Variants in GLRB observed in about 807,000 individuals in gnomAD.
GLRB encodes glycine receptor subunit beta.
A neutral mutation model predicts 54.2 loss-of-function variants in GLRB; 33 were observed. The observed-to-expected ratio is 0.61, with a 90% CI of 0.46 to 0.81. The LOEUF is 0.81. Among genes scored for constraint, GLRB ranks in the 40% least tolerant of loss-of-function variants. GLRB has a pLI of 0.00. For synonymous variants in GLRB, 209 were observed against 208.2 expected (o/e 1.00, Z -0.03); for missense variants, 572 against 584.6 (o/e 0.98, Z 0.22).
At chr4:157,102,561 T>A (rs2126484628) in intron 2 of GLRB, among the ~76,000 whole-genome samples, 1 of 152,318 alleles carries the variant, frequency 6.6e-6, no homozygotes, top group South Asian at 2.1e-4. Flanking sequence ...ATTATAAACT[T>A]AAAAATTACA....
In GLRB at chr4:157,138,939, TA is replaced by T; in HGVS notation, c.744del (p.Gly249AlafsTer14). Reference protein sequence around the residue: ...IEYGNCTKYYKGTGYYTCVEV... With the variant: ...IEYGNCTKYYXGTGYYTCVEV... ...AATATGGTAACTGTACAAAATACTA[TA>T]AAGGCACGGGTAAGTAATATTCTTT... is the stretch of plus-strand genomic sequence containing the variant. On this transcript the variant is annotated frameshift_variant, in exon 7 of 10. Transcript: ENST00000264428. LOFTEE classifies it high-confidence loss of function. 1.4e-6 allele frequency: 2 copies of T among 1,428,932 alleles called. No individual in the cohort carries two copies. The highest frequency in any genetic ancestry group is 2.0e-6 in the Non-Finnish European group (2 of 1,012,914). 88.5% of individuals were successfully genotyped at this position (1,428,932 alleles called of 1,614,324 possible).
At chr4:157,083,551 T>C (rs1734301975) in intron 2 of GLRB, among the ~76,000 whole-genome samples, 1 of 152,156 alleles carries the variant, frequency 6.6e-6, no homozygotes, top group Non-Finnish European at 1.5e-5. Flanking sequence ...CAGAGACTGA[T>C]ATAATGTGAT....
intron 2 of GLRB, among the ~76,000 whole-genome samples, chr4:157,082,292 G>A (rs1734247635): frequency 6.6e-6 from 1 of 151,898 alleles, no homozygotes; most frequent in South Asian, 2.1e-4. Flanking sequence ...CACATTCTGT[G>A]CCCCCACAGT....
At chr4:157,129,590 G>T (rs935137711) in intron 4 of GLRB, among the ~76,000 whole-genome samples, 1 of 151,724 alleles carries the variant, frequency 6.6e-6, no homozygotes, top group African/African-American at 2.4e-5. Context: ...TAATAGAAAA[G>T]AATCTTTGAA....
chr4:157,138,330 T>C (rs1352132800), intron 6 of GLRB, among the ~76,000 whole-genome samples: 2 of 152,228 alleles, frequency 1.3e-5, no homozygotes, highest in East Asian at 3.9e-4. Context: ...CGCCTTGGCC[T>C]CCCAAAGTGC....
intron 2 of GLRB, among the ~76,000 whole-genome samples, chr4:157,089,372 T>C (rs1274251211): frequency 6.6e-6 from 1 of 152,146 alleles, no homozygotes; most frequent in African/African-American, 2.4e-5. Context: ...GCTACTGCAC[T>C]CCAGCCTGGG....
intron 4 of GLRB, among the ~76,000 whole-genome samples, chr4:157,130,916 T>G (rs1224109587): frequency 6.6e-6 from 1 of 151,680 alleles, no homozygotes; most frequent in Non-Finnish European, 1.5e-5. Context: ...ATAGTGAAGC[T>G]GATCCAAGGA....
chr4:157,098,544 T>G (rs1377888178), intron 2 of GLRB, among the ~76,000 whole-genome samples: 1 of 152,116 alleles, frequency 6.6e-6, no homozygotes, highest in Admixed American at 6.5e-5. Context: ...GGAGGGGCCA[T>G]TAAGGAGAGT....
chr4:157,116,338 T>G (rs1735608063), intron 2 of GLRB, among the ~76,000 whole-genome samples: 1 of 151,874 alleles, frequency 6.6e-6, no homozygotes. Context: ...TAATGTCATA[T>G]TTCCAAGAAA....
chr4:157,170,611 T>C lies in GLRB; in HGVS notation c.1377T>C (p.Pro459=). 6.2e-7 allele frequency: 1 copy of C among 1,612,130 alleles called. No homozygotes were observed. Among genetic ancestry groups the C allele is most frequent in the Non-Finnish European group, 8.5e-7 (1 of 1,178,416 alleles). ...CTCAGGCTAAGAACAACAAGAAGCC[T>C]CCCCCTGCGAAACCTGTTATTCCAA... ...GKSQAKNNKK[P]PPAKPVIPTA... The change falls in exon 10 of 10, where the codon CCT becomes CCC. Residue 459 remains proline, a synonymous_variant. Coordinates refer to ENST00000264428, the MANE Select transcript of GLRB (RefSeq NM_000824.5).
chr4:157,086,562 T>C (rs1478783695), intron 2 of GLRB, among the ~76,000 whole-genome samples: 4 of 152,224 alleles, frequency 2.6e-5, no homozygotes, highest in African/African-American at 9.6e-5. Flanking sequence ...TTCGATTAAT[T>C]CTATTGTGCA....
At chr4:157,079,032 C>G (rs1009883299) in intron 2 of GLRB, among the ~76,000 whole-genome samples, 1 of 152,130 alleles carries the variant, frequency 6.6e-6, no homozygotes, top group African/African-American at 2.4e-5. Flanking sequence ...CCTTGGCATC[C>G]CAAAGTGCTG....
chr4:157,146,454 A>C (rs1168030997), intron 8 of GLRB, among the ~76,000 whole-genome samples: 3 of 152,204 alleles, frequency 2.0e-5, no homozygotes, highest in Admixed American at 6.5e-5. Flanking sequence ...CAAGGAAAGC[A>C]GTTAGGAGAC....
intron 9 of GLRB, among the ~76,000 whole-genome samples, chr4:157,159,574 G>T (rs1487811187): frequency 6.6e-6 from 1 of 152,100 alleles, no homozygotes; most frequent in Non-Finnish European, 1.5e-5. Flanking sequence ...GGCCTTTTCT[G>T]CATCTATTGA....
chr4:157,110,379 G>C (rs1735373960), intron 2 of GLRB, among the ~76,000 whole-genome samples: 1 of 151,798 alleles, frequency 6.6e-6, no homozygotes, highest in Non-Finnish European at 1.5e-5. Context: ...TAAATGACCT[G>C]TCTTTATGTT....
At chr4:157,111,970 G>A (rs1319616944) in intron 2 of GLRB, among the ~76,000 whole-genome samples, 1 of 151,778 alleles carries the variant, frequency 6.6e-6, no homozygotes, top group African/African-American at 2.4e-5. Flanking sequence ...GCCACACACT[G>A]CTGGATTTAC....
chr4:157,103,157 C>CAAAAAAAA (rs1436563927), intron 2 of GLRB, among the ~76,000 whole-genome samples: 2 of 104,592 alleles, frequency 1.9e-5, no homozygotes, highest in Admixed American at 1.0e-4. Flanking sequence ...CTCAAAAAAA[C>CAAAAAAAA]AAAAAAAAAA....
In GLRB at chr4:157,138,909, T is replaced by C; in HGVS notation, c.711T>C (p.Asp237=). 2.7e-6 allele frequency: 4 copies of C among 1,477,518 alleles called. No individual in the cohort carries two copies. Among genetic ancestry groups the C allele is most frequent in the South Asian group, 1.1e-5 (1 of 87,722 alleles). The allele number at this position is 1,477,518 out of a possible 1,614,324, so 91.5% of individuals were successfully genotyped here. A position where few individuals can be genotyped will look rare whatever the true frequency, so the allele number is the denominator to read the frequency against. The change falls in exon 7 of 10, where the codon GAT becomes GAC. Residue 237 remains aspartate (D), a synonymous_variant. Transcript: ENST00000264428. ...ALPQFDIKKE[D]IEYGNCTKYY... is the part of the protein sequence containing the mutation. ...CTCAATTTGATATCAAAAAGGAAGA[T>C]ATTGAATATGGTAACTGTACAAAAT...
intron 9 of GLRB, among the ~76,000 whole-genome samples, chr4:157,159,446 G>C (rs895667205): frequency 1.3e-5 from 2 of 151,980 alleles, no homozygotes; most frequent in African/African-American, 4.8e-5. Context: ...TTTGCCCATT[G>C]AGTATGATAT....
Sources: allele counts gnomAD v4.1 joint callset (sites outside exome capture counted in the v4.1 genomes callset), GRCh38; gene constraint gnomAD v4.1.1; transcripts MANE v1.5; gene names NCBI Gene and HGNC (gene_info 2026-07-23, HGNC 2026-07-21).